CLCN4: variants seen among roughly 807,000 people sequenced by gnomAD.
CLCN4 encodes the protein Cl-/H+ antiporter 4, also known as H(+)/Cl(-) exchange transporter 4.
A neutral mutation model predicts 41.7 loss-of-function variants in CLCN4; 1 was observed. The observed-to-expected ratio is 0.02, with a 90% CI of 0.01 to 0.11. CLCN4 has a LOEUF of 0.11. Ranked by LOEUF, CLCN4 falls within the 10% of genes least tolerant of loss-of-function variation. The probability of loss-of-function intolerance (pLI) is 1.00; values close to 1 mark genes in which losing one functional copy is unlikely to be tolerated. For synonymous variants in CLCN4, 277 were observed against 285.8 expected, an observed-to-expected ratio of 0.97 and a Z score of 0.31; for missense variants, 287 against 661.0, an observed-to-expected ratio of 0.43 and a Z score of 6.20.
intron 4 of CLCN4, among the ~76,000 whole-genome samples, chrX:10,189,552 G>T (rs747406225): frequency 8.9e-6 from 1 of 111,891 alleles, no homozygotes; most frequent in African/African-American, 3.2e-5. Context: ...ACATGGGAGG[G>T]TGAGAATGGG....
rs750101038 is a variant in CLCN4 at position 10,208,434 on chromosome X, C to T, written c.1233C>T (p.Ser411=). The change falls in exon 9 of 13, where the codon TCC becomes TCT. Residue 411 remains serine, a synonymous_variant. Coordinates refer to ENST00000380833, the MANE Select transcript of CLCN4 (RefSeq NM_001830.4). Reference sequence around the variant, plus strand: ...ATGACTGTGGAGCCCTTGAGTCTTCCCAGCTCTGTGACTACATCAATGACC... The same window carrying T: ...ATGACTGTGGAGCCCTTGAGTCTTCTCAGCTCTGTGACTACATCAATGACC... ...LFNDCGALES[S]QLCDYINDPN... 16 of 1,211,627 alleles carry T rather than the reference C, an allele frequency of 1.3e-5. No homozygotes were observed. Among genetic ancestry groups the T allele is most frequent in the Non-Finnish European group, 1.3e-5 (12 of 895,460 alleles).
At chrX:10,184,589 G>A (rs1242014005) in intron 2 of CLCN4, among the ~76,000 whole-genome samples, 1 of 112,134 alleles carries the variant, frequency 8.9e-6, no homozygotes, top group African/African-American at 3.2e-5. Context: ...GCTGTCTGGT[G>A]TTCCTGAGTG....
Position 10,213,754 on chromosome X carries a change from G to C in CLCN4, c.1650G>C (p.Val550=). Residue 550 remains valine, a synonymous_variant, in exon 11 of 13, where the codon GTG becomes GTC. Coordinates refer to ENST00000380833, the MANE Select transcript of CLCN4 (RefSeq NM_001830.4). ...TAACCGGGGGTCTGGAGTACATCGT[G>C]CCCCTGATGGCGGCGGCTGTGACCA... ...FELTGGLEYI[V]PLMAAAVTSK... 1 of 1,211,531 alleles carries C rather than the reference G, an allele frequency of 8.3e-7. No individual in the cohort carries two copies. The highest frequency in any genetic ancestry group is 1.1e-6 in the Non-Finnish European group (1 of 895,136).
At chrX:10,199,336 A>G (rs1453595959) in intron 6 of CLCN4, among the ~76,000 whole-genome samples, 1 of 112,511 alleles carries the variant, frequency 8.9e-6, no homozygotes, top group Non-Finnish European at 1.9e-5. Flanking sequence ...CCTAGTAAAA[A>G]CAGGAGCACA....
intron 2 of CLCN4, among the ~76,000 whole-genome samples, chrX:10,181,718 C>A (rs754669585): frequency 8.9e-5 from 10 of 111,947 alleles, no homozygotes; most frequent in African/African-American, 2.9e-4. Context: ...TCTTCTAGAA[C>A]CTGTTATGTT....
intron 2 of CLCN4, among the ~76,000 whole-genome samples, chrX:10,164,630 C>G (rs190570579): frequency 1.2e-4 from 13 of 111,750 alleles, no homozygotes; most frequent in African/African-American, 4.2e-4. Context: ...GAGCTAACCT[C>G]TTTAGCAGCA....
At chrX:10,221,442 C>G (rs1294253363) in intron 12 of CLCN4, among the ~76,000 whole-genome samples, 1 of 111,425 alleles carries the variant, frequency 9.0e-6, no homozygotes, top group Non-Finnish European at 1.9e-5. Flanking sequence ...TGGAGGATCA[C>G]TTGAGCCCAG....
chrX:10,184,028 A>G (rs1923749352), intron 2 of CLCN4, among the ~76,000 whole-genome samples: 1 of 111,530 alleles, frequency 9.0e-6, no homozygotes, highest in South Asian at 3.8e-4. Context: ...GCTCCCACCA[A>G]CTCATTAAAG....
rs1441856928 is a variant in CLCN4 at position 10,235,828 on chromosome X, G to A, written c.*2244G>A. On this transcript the variant is annotated 3_prime_UTR_variant, in exon 13 of 13. Transcript: ENST00000380833. ...TCAGTGTGACAATATCCAGTCAATAGTAGAGAATTTAATCCTTGGTCCTAT... is the reference window on the plus strand; with the variant it reads ...TCAGTGTGACAATATCCAGTCAATAATAGAGAATTTAATCCTTGGTCCTAT... 6.2e-5 allele frequency: 7 copies of A among 112,524 alleles called. No homozygotes were observed. The highest frequency in any genetic ancestry group is 1.9e-4 in the African/African-American group (6 of 30,934). 9.3% of individuals were successfully genotyped at this position (112,524 alleles called of 1,213,427 possible). A position where few individuals can be genotyped will look rare whatever the true frequency, so the allele number is the denominator to read the frequency against.
At chrX:10,187,090 C>G (rs922966994) in intron 3 of CLCN4, among the ~76,000 whole-genome samples, 6 of 111,878 alleles carry the variant, frequency 5.4e-5, no homozygotes, top group Admixed American at 9.5e-5. Flanking sequence ...AAAATTTAAC[C>G]TTGAAAACAA....
chrX:10,157,159 T>C, intron 1 of CLCN4, 59 bp downstream of exon 1: 1 of 292,015 alleles, frequency 3.4e-6, no homozygotes, highest in Non-Finnish European at 6.0e-6. Flanking sequence ...TAAAGTACAC[T>C]GCGACTTTGT....
intron 2 of CLCN4, among the ~76,000 whole-genome samples, chrX:10,160,499 G>C (rs993600817): frequency 9.9e-5 from 11 of 111,343 alleles, no homozygotes; most frequent in African/African-American, 3.6e-4. Context: ...GTGCTCAGCA[G>C]ACCTGGAGCA....
intron 11 of CLCN4, among the ~76,000 whole-genome samples, chrX:10,219,207 A>G (rs1195175386): frequency 4.4e-5 from 5 of 112,364 alleles, no homozygotes; most frequent in African/African-American, 1.3e-4. Flanking sequence ...GGTTCAGCAA[A>G]TCCATGTCAT....
chrX:10,205,855 G>A (rs1170030869), intron 6 of CLCN4, among the ~76,000 whole-genome samples: 2 of 109,618 alleles, frequency 1.8e-5, no homozygotes, highest in Non-Finnish European at 3.8e-5. Flanking sequence ...CTGGGCTCAA[G>A]CGATCCTCCC....
chrX:10,166,285 C>T (rs1360283071), intron 2 of CLCN4, among the ~76,000 whole-genome samples: 1 of 112,212 alleles, frequency 8.9e-6, no homozygotes, highest in East Asian at 2.8e-4. Flanking sequence ...AGCGCGCGTC[C>T]CTTCATCTCA....
At chrX:10,204,361 T>G (rs1174988708) in intron 6 of CLCN4, among the ~76,000 whole-genome samples, 1 of 112,165 alleles carries the variant, frequency 8.9e-6, no homozygotes, top group African/African-American at 3.2e-5. Flanking sequence ...TCATGATGGA[T>G]TCAAACATCT....
chrX:10,211,363 A>G (rs1010342450), intron 9 of CLCN4, among the ~76,000 whole-genome samples: 2 of 110,712 alleles, frequency 1.8e-5, no homozygotes, highest in African/African-American at 6.6e-5. Flanking sequence ...GGGCCTTAAG[A>G]ACAAGGATGA....
At chrX:10,208,704 T>C (rs368138221) in intron 9 of CLCN4, 114 bp downstream of exon 9, 11 of 601,554 alleles carry the variant, frequency 1.8e-5, no homozygotes, top group African/African-American at 1.4e-4. Flanking sequence ...CTTTCTTGAA[T>C]GTTCTCATGT....
At chrX:10,192,969 G>T (rs1924005561) in intron 4 of CLCN4, among the ~76,000 whole-genome samples, 1 of 112,270 alleles carries the variant, frequency 8.9e-6, no homozygotes, top group Non-Finnish European at 1.9e-5. Flanking sequence ...CTCCCAGTTG[G>T]GACGAAGCTG....
Sources: allele counts gnomAD v4.1 joint callset (sites outside exome capture counted in the v4.1 genomes callset), GRCh38; gene constraint gnomAD v4.1.1; transcripts MANE v1.5; gene names NCBI Gene and HGNC (gene_info 2026-07-23, HGNC 2026-07-21).